The following KHDC1 variants were observed in gnomAD, a reference collection of about 807,000 sequenced individuals.
The protein encoded by KHDC1 is KH domain containing 1, also known as KH homology domain-containing protein 1.
In KHDC1, 21 loss-of-function variants were observed where a neutral mutation model predicts 24.7. The ratio of observed to expected loss-of-function variants is 0.85; its 90% CI spans 0.60 to 1.23. The LOEUF (loss-of-function observed/expected upper bound fraction) is 1.23, where lower values mean the gene tolerates loss of function less well. Among genes scored for constraint, KHDC1 ranks in the 50% most tolerant of loss-of-function variants. The pLI is 0.00. For synonymous variants in KHDC1, 98 were observed against 111.7 expected, an observed-to-expected ratio of 0.88 and a Z score of 0.77; for missense variants, 274 against 298.5, an observed-to-expected ratio of 0.92 and a Z score of 0.61.
At chr6:73,299,143 C>CAAG (rs1021086328) in intron 1 of KHDC1, 13 of 152,626 alleles carry the variant, frequency 8.5e-5, no homozygotes, top group African/African-American at 3.1e-4. Context: ...CGGAAACCTC[C>CAAG]AAGACTAGAG....
At chr6:73,270,982 G>A (rs59747599) in intron 2 of KHDC1, among the ~76,000 whole-genome samples, 6,751 of 151,972 alleles carry the variant, frequency 0.044, 359 homozygotes, top group African/African-American at 0.12. Context: ...GAGCCACCGC[G>A]CCCGGCCTGT....
chr6:73,270,770 A>G lies in KHDC1; in HGVS notation c.206+21228T>C, dbSNP rs576800833. On this transcript the variant is annotated intron_variant, in intron 2 of 4. Transcript: ENST00000370384. ...CAGTGGCGTGATCTCAGCTCACTGC[A>G]ACCTCCACCTCCCAGGTTCAAGTGA... is the stretch of plus-strand genomic sequence containing the variant. Among the ~76,000 whole-genome samples the G allele has an allele frequency of 1.9e-4, 29 of 151,426 alleles. 1 individual carries two copies. Among genetic ancestry groups the G allele is most frequent in the African/African-American group, 7.0e-4 (29 of 41,240 alleles).
At chr6:73,259,280 C>CTTTCTTTTT (rs1766935791) in intron 2 of KHDC1, among the ~76,000 whole-genome samples, 1 of 73,238 alleles carries the variant, frequency 1.4e-5, no homozygotes, top group African/African-American at 6.4e-5. Context: ...ATCCAATATG[C>CTTTCTTTTT]TTTTTTTTTT....
At chr6:73,292,210 G>C (rs1235955176) in intron 1 of KHDC1, 7 of 1,442,536 alleles carry the variant, frequency 4.9e-6, no homozygotes, top group Non-Finnish European at 5.9e-6. Flanking sequence ...AACTGAAACA[G>C]CTTCAGGCAG....
chr6:73,269,559 A>C (rs1380514876), intron 2 of KHDC1: 1 of 151,916 alleles, frequency 6.6e-6, no homozygotes, highest in Non-Finnish European at 1.5e-5. Context: ...TTGTTTGTGG[A>C]TTTTGTTTCA....
chr6:73,308,041 T>A (rs1388408199), intron 1 of KHDC1, among the ~76,000 whole-genome samples: 13 of 151,330 alleles, frequency 8.6e-5, no homozygotes, highest in Admixed American at 8.6e-4. Context: ...TAGCTGGGAT[T>A]ACAGGCACCG....
chr6:73,271,648 C>CGCGCCTG (rs1767182445), intron 2 of KHDC1, among the ~76,000 whole-genome samples: 1 of 151,114 alleles, frequency 6.6e-6, no homozygotes, highest in Non-Finnish European at 1.5e-5. Context: ...AATCTCAGCA[C>CGCGCCTG]TATGGGAGGC....
intron 2 of KHDC1, among the ~76,000 whole-genome samples, chr6:73,246,045 A>G (rs1766659103): frequency 6.6e-6 from 1 of 152,236 alleles, no homozygotes; most frequent in Non-Finnish European, 1.5e-5. Context: ...CTTGGGTAAT[A>G]GCAAAGCTTC....
At chr6:73,305,053 T>C (rs952578992) in intron 1 of KHDC1, among the ~76,000 whole-genome samples, 1 of 151,840 alleles carries the variant, frequency 6.6e-6, no homozygotes, top group Non-Finnish European at 1.5e-5. Flanking sequence ...GCCTGGCCAA[T>C]ATGGTGAAAC....
chr6:73,249,535 AAAGG>A (rs1477393871), intron 2 of KHDC1, among the ~76,000 whole-genome samples: 1 of 152,170 alleles, frequency 6.6e-6, no homozygotes, highest in Non-Finnish European at 1.5e-5. Flanking sequence ...GAGCAATAAA[AAAGG>A]CAAGGTTTGC....
intron 2 of KHDC1, among the ~76,000 whole-genome samples, chr6:73,250,880 C>T (rs1468898040): frequency 1.3e-5 from 2 of 152,158 alleles, no homozygotes; most frequent in Non-Finnish European, 1.5e-5. Flanking sequence ...CGCTCTGTTG[C>T]CCAGGCTGCA....
intron 2 of KHDC1, among the ~76,000 whole-genome samples, chr6:73,271,359 G>A (rs140782308): frequency 2.6e-5 from 4 of 151,408 alleles, no homozygotes; most frequent in Non-Finnish European, 5.9e-5. Flanking sequence ...ACAGGCACCC[G>A]TCACCACACC....
chr6:73,272,134 C>T (rs188151883), intron 2 of KHDC1, among the ~76,000 whole-genome samples: 1 of 151,488 alleles, frequency 6.6e-6, no homozygotes, highest in Admixed American at 6.6e-5. Flanking sequence ...TCATGCAAAC[C>T]TAAGTTTATT....
intron 2 of KHDC1, chr6:73,269,252 T>TCCCTCCACACCTCC (rs1767138993): frequency 6.6e-6 from 1 of 152,598 alleles, no homozygotes; most frequent in South Asian, 2.1e-4. Context: ...CTCGCGCCTC[T>TCCCTCCACACCTCC]CCCTCCACAC....
chr6:73,281,140 T>G (rs1394663305), intron 2 of KHDC1, among the ~76,000 whole-genome samples: 1 of 152,030 alleles, frequency 6.6e-6, no homozygotes, highest in African/African-American at 2.4e-5. Context: ...GATCAGGAGT[T>G]TGAGACCAGC....
At chr6:73,263,304 G>A in intron 2 of KHDC1, 108 bp from the exon 1 acceptor site, 1 of 984,474 alleles carries the variant, frequency 1.0e-6, no homozygotes, top group Non-Finnish European at 1.2e-6. Flanking sequence ...CTGCCGGCGC[G>A]CAGAGAGCCC....
At chr6:73,252,918 A>G (rs1766807109) in intron 2 of KHDC1, among the ~76,000 whole-genome samples, 1 of 152,152 alleles carries the variant, frequency 6.6e-6, no homozygotes, top group Non-Finnish European at 1.5e-5. Flanking sequence ...AACTTTATTT[A>G]TAAACACATA....
intron 1 of KHDC1, among the ~76,000 whole-genome samples, chr6:73,301,604 A>G (rs1295743718): frequency 2.0e-5 from 3 of 152,110 alleles, no homozygotes; most frequent in Admixed American, 6.6e-5. Context: ...ATTCTGTGCT[A>G]TATGTATAAT....
intron 2 of KHDC1, among the ~76,000 whole-genome samples, chr6:73,251,466 C>A (rs1008588961): frequency 6.6e-6 from 1 of 152,108 alleles, no homozygotes; most frequent in Non-Finnish European, 1.5e-5. Flanking sequence ...GAACCTATAG[C>A]GAACAAAAAT....
Sources: gnomAD v4.1 joint callset for allele counts (sites outside exome capture counted in the v4.1 genomes callset) on GRCh38, gnomAD v4.1.1 for gene constraint, MANE v1.5 for transcripts, NCBI Gene and HGNC (gene_info 2026-07-23, HGNC 2026-07-21) for gene names.